Variants in PLCB4 observed in about 807,000 individuals in gnomAD.
The protein encoded by PLCB4 is 1-phosphatidylinositol 4,5-bisphosphate phosphodiesterase beta-4.
Under a neutral mutation model 178.8 loss-of-function variants are expected in PLCB4, and 77 were observed. The observed-to-expected ratio is 0.43, with a 90% CI of 0.36 to 0.52. The LOEUF (loss-of-function observed/expected upper bound fraction) is 0.52. PLCB4 is among the 20% of genes least tolerant of loss of function. PLCB4 has a pLI of 0.00. For missense variants in PLCB4, 1,024 were observed against 1,453.4 expected, an observed-to-expected ratio of 0.70 and a Z score of 4.80; for synonymous variants, 496 against 490.8, an observed-to-expected ratio of 1.01 and a Z score of -0.14.
chr20:9,194,577 C>A (rs982529698), intron 2 of PLCB4, among the ~76,000 whole-genome samples: 5 of 151,002 alleles, frequency 3.3e-5, no homozygotes, highest in Non-Finnish European at 7.4e-5. Flanking sequence ...CCTGTAGTCC[C>A]AGCTACTCGG....
chr20:9,168,636 A>T (rs1201083075), intron 2 of PLCB4, among the ~76,000 whole-genome samples: 4 of 152,182 alleles, frequency 2.6e-5, no homozygotes, highest in African/African-American at 9.7e-5. Context: ...TTGACTAGCG[A>T]GGAGCTACAC....
rs554019512 is a variant in PLCB4, at chr20:9,479,099, A to T, written c.*90A>T. ...GAAAGCTGTTTATTTTGTTTCCTTT[A>T]TGTGTAAACAAGATGATATCTGAAA... is the stretch of plus-strand genomic sequence containing the variant. On this transcript the variant is annotated 3_prime_UTR_variant, in exon 40 of 40. Transcript: ENST00000378473. 1.9e-4 allele frequency: 168 copies of T among 867,090 alleles called. 1 individual carries two copies. The South Asian group carries it at 2.3e-3, about 12-fold the overall frequency. The allele number at this position is 867,090 out of a possible 1,614,324, so 53.7% of individuals were successfully genotyped here.
At chr20:9,205,030 TCTG>T (rs1406979176) in intron 2 of PLCB4, among the ~76,000 whole-genome samples, 1 of 152,244 alleles carries the variant, frequency 6.6e-6, no homozygotes, top group Non-Finnish European at 1.5e-5. Context: ...TTATGATGGT[TCTG>T]CTTACAATTT....
intron 2 of PLCB4, among the ~76,000 whole-genome samples, chr20:9,126,656 G>T (rs1476545221): frequency 6.6e-6 from 1 of 151,758 alleles, no homozygotes; most frequent in Non-Finnish European, 1.5e-5. Context: ...AAGTCCTATT[G>T]TTGCTTACAA....
intron 2 of PLCB4, among the ~76,000 whole-genome samples, chr20:9,153,910 C>T (rs757929459): frequency 5.9e-5 from 9 of 152,098 alleles, no homozygotes; most frequent in South Asian, 2.1e-4. Flanking sequence ...AGAGCAAATC[C>T]GGTCATTATT....
chr20:9,300,427 A>G (rs978838343), intron 3 of PLCB4, among the ~76,000 whole-genome samples: 1 of 152,194 alleles, frequency 6.6e-6, no homozygotes, highest in Non-Finnish European at 1.5e-5. Context: ...CTTGAAAGCT[A>G]TATGTTATCA....
At chr20:9,201,564 T>C (rs566780882) in intron 2 of PLCB4, among the ~76,000 whole-genome samples, 4 of 152,344 alleles carry the variant, frequency 2.6e-5, no homozygotes, top group Admixed American at 2.6e-4. Flanking sequence ...GCTTCTTGCC[T>C]TGTTTTTAAA....
chr20:9,300,709 T>A (rs937497871), intron 3 of PLCB4, among the ~76,000 whole-genome samples: 2 of 152,176 alleles, frequency 1.3e-5, no homozygotes, highest in Non-Finnish European at 2.9e-5. Flanking sequence ...TCTGTCTTCC[T>A]CTGATGATTC....
intron 2 of PLCB4, among the ~76,000 whole-genome samples, chr20:9,170,457 A>T (rs1028305128): frequency 6.6e-6 from 1 of 152,170 alleles, no homozygotes; most frequent in African/African-American, 2.4e-5. Context: ...ATAAATAGAG[A>T]TGCAAAGACA....
intron 2 of PLCB4, among the ~76,000 whole-genome samples, chr20:9,100,930 C>T (rs565562291): frequency 3.3e-5 from 5 of 152,156 alleles, no homozygotes; most frequent in African/African-American, 1.2e-4. Context: ...TACGGTGTGT[C>T]GCCCGTGGAG....
At chr20:9,268,529 G>A (rs2094371209) in intron 3 of PLCB4, among the ~76,000 whole-genome samples, 2 of 152,106 alleles carry the variant, frequency 1.3e-5, no homozygotes, top group South Asian at 2.1e-4. Context: ...GCTGTGGTAG[G>A]TCATAGCCCA....
intron 2 of PLCB4, among the ~76,000 whole-genome samples, chr20:9,148,965 A>G (rs2092646054): frequency 6.6e-6 from 1 of 152,178 alleles, no homozygotes; most frequent in South Asian, 2.1e-4. Flanking sequence ...TTTCTGGAGT[A>G]TGTGGGCCAC....
intron 7 of PLCB4, among the ~76,000 whole-genome samples, chr20:9,362,233 A>G (rs546508965): frequency 2.0e-5 from 3 of 152,294 alleles, no homozygotes; most frequent in Admixed American, 6.5e-5. Context: ...TTTCTAGTAA[A>G]TGCCCTTTTA....
At chr20:9,436,937 G>A in intron 29 of PLCB4, 65 bp from the exon 30 acceptor site, 1 of 1,455,314 alleles carries the variant, frequency 6.9e-7, no homozygotes, top group Non-Finnish European at 9.5e-7. Flanking sequence ...GTAAAATAAA[G>A]AATGTACAAG....
At chr20:9,308,510 T>G (rs909025109) in intron 4 of PLCB4, among the ~76,000 whole-genome samples, 14 of 152,224 alleles carry the variant, frequency 9.2e-5, no homozygotes, top group African/African-American at 3.4e-4. Context: ...TTTTCTTCTG[T>G]TGTACTTGAA....
chr20:9,373,403 T>C (rs940661686), intron 12 of PLCB4, among the ~76,000 whole-genome samples: 2 of 152,232 alleles, frequency 1.3e-5, no homozygotes, highest in Non-Finnish European at 2.9e-5. Flanking sequence ...GTCTGTGTTT[T>C]TGCAAGATGA....
chr20:9,211,245 A>C (rs2093670128), intron 2 of PLCB4, among the ~76,000 whole-genome samples: 1 of 152,170 alleles, frequency 6.6e-6, no homozygotes. Context: ...CACCGCCTGC[A>C]TTTTACAGAT....
intron 28 of PLCB4, among the ~76,000 whole-genome samples, chr20:9,431,233 G>A (rs1216758351): frequency 6.6e-6 from 1 of 151,966 alleles, no homozygotes; most frequent in Non-Finnish European, 1.5e-5. Context: ...CTCTGCCTCT[G>A]TTGTCACATG....
chr20:9,284,670 C>A (rs2147719138), intron 3 of PLCB4, among the ~76,000 whole-genome samples: 1 of 151,998 alleles, frequency 6.6e-6, no homozygotes, highest in Middle Eastern at 3.4e-3. Flanking sequence ...TCTGTGTTTG[C>A]TAATCATCAG....
Sources: allele counts gnomAD v4.1 joint callset (sites outside exome capture counted in the v4.1 genomes callset), GRCh38; gene constraint gnomAD v4.1.1; transcripts MANE v1.5; gene names NCBI Gene and HGNC (gene_info 2026-07-23, HGNC 2026-07-21).